Variants in IDE observed in about 807,000 individuals in gnomAD.
The protein encoded by IDE is insulin-degrading enzyme.
In IDE, 58 loss-of-function variants were observed where a neutral mutation model predicts 133.2. The ratio of observed to expected loss-of-function variants is 0.44; its 90% CI spans 0.35 to 0.54. The LOEUF is 0.54. Among genes scored for constraint, IDE ranks in the 20% least tolerant of loss-of-function variants. The pLI, the probability that IDE is intolerant of heterozygous loss-of-function variation, is 0.00. For missense variants in IDE, 981 were observed against 1,234.0 expected, an observed-to-expected ratio of 0.79 and a Z score of 3.07; for synonymous variants, 396 against 421.3, an observed-to-expected ratio of 0.94 and a Z score of 0.73.
At chr10:92,541,348 G>A in intron 1 of IDE, 1 of 470,560 alleles carries the variant, frequency 2.1e-6, no homozygotes. Flanking sequence ...CTCTGATGAT[G>A]AATTCATCAA....
intron 5 of IDE, among the ~76,000 whole-genome samples, chr10:92,512,050 C>T (rs749661918): frequency 1.3e-5 from 2 of 152,172 alleles, no homozygotes; most frequent in Non-Finnish European, 2.9e-5. Flanking sequence ...CTGTGAGCTC[C>T]CCAGACATCA....
intron 2 of IDE, 109 bp downstream of exon 2, chr10:92,537,257 A>G: frequency 3.9e-6 from 3 of 771,270 alleles, no homozygotes; most frequent in Non-Finnish European, 6.1e-6. Context: ...AATAAGGTAC[A>G]TGGAACCGGT....
chr10:92,522,256 C>T (rs987930182), intron 4 of IDE, among the ~76,000 whole-genome samples: 3 of 152,140 alleles, frequency 2.0e-5, no homozygotes, highest in African/African-American at 7.2e-5. Context: ...TTCCTTCCTA[C>T]TTCTCTATGC....
chr10:92,463,606 C>T, intron 21 of IDE, 125 bp downstream of exon 21: 1 of 835,536 alleles, frequency 1.2e-6, no homozygotes, highest in Non-Finnish European at 1.9e-6. Flanking sequence ...GCCAGCCATC[C>T]CCCCACCCCA....
chr10:92,524,315 ATATAATATAT>A (rs1306614951), intron 4 of IDE, among the ~76,000 whole-genome samples: 4 of 85,100 alleles, frequency 4.7e-5, no homozygotes, highest in African/African-American at 2.6e-4. Context: ...AAAAAAATAT[ATATAATATAT>A]TATTATATAT....
intron 1 of IDE, chr10:92,541,178 C>T: frequency 3.6e-6 from 1 of 277,628 alleles, no homozygotes; most frequent in South Asian, 3.3e-5. Context: ...AAGTAAAACC[C>T]AAAAGAAATA....
intron 11 of IDE, among the ~76,000 whole-genome samples, chr10:92,496,129 C>G (rs987832890): frequency 7.2e-5 from 11 of 152,100 alleles, no homozygotes; most frequent in African/African-American, 2.7e-4. Context: ...CCTGCCTCAG[C>G]CTCTCAAAGT....
intron 18 of IDE, among the ~76,000 whole-genome samples, chr10:92,469,696 G>A (rs746125439): frequency 1.1e-4 from 16 of 152,294 alleles, no homozygotes; most frequent in South Asian, 2.1e-4. Context: ...GATGATAGGC[G>A]TGAGCCACTG....
At chr10:92,509,572 AAC>A (rs200915532) in intron 6 of IDE, among the ~76,000 whole-genome samples, 2,313 of 151,652 alleles carry the variant, frequency 0.015, 29 homozygotes, top group Non-Finnish European at 0.025. Context: ...CAGCCTGGGC[AAC>A]AGAGTGAGAC....
intron 4 of IDE, among the ~76,000 whole-genome samples, chr10:92,529,041 C>T (rs1261052994): frequency 6.6e-6 from 1 of 152,024 alleles, no homozygotes; most frequent in Non-Finnish European, 1.5e-5. Context: ...CACCATACTG[C>T]ACTCCAGCCT....
In IDE at chr10:92,454,055, G is replaced by C. The variant is rs1056645580; in HGVS notation, c.*389C>G. On this transcript the variant is annotated 3_prime_UTR_variant, in exon 25 of 25. Coordinates refer to ENST00000265986, the MANE Select transcript of IDE (RefSeq NM_004969.4). ...AAGTTATTACCTTTCTAAATGTTGT[G>C]AAGCCTTCTATGTCAAGCTAGGAGG... 6.4e-6 allele frequency: 1 copy of C among 156,736 alleles called. No homozygotes were observed. The highest frequency in any genetic ancestry group is 1.4e-5 in the Non-Finnish European group (1 of 70,880). The allele number at this position is 156,736 out of a possible 1,614,324, so 9.7% of individuals were successfully genotyped here.
chr10:92,566,409 T>TCACA (rs563035723), intron 1 of IDE, among the ~76,000 whole-genome samples: 2,709 of 144,434 alleles, frequency 0.019, 22 homozygotes, highest in African/African-American at 0.021. Context: ...TCTCTCTCTC[T>TCACA]CTCTCACACA....
At chr10:92,558,319 G>A (rs890812267) in intron 1 of IDE, among the ~76,000 whole-genome samples, 1 of 152,168 alleles carries the variant, frequency 6.6e-6, no homozygotes, top group Non-Finnish European at 1.5e-5. Flanking sequence ...CTCCCAAAGT[G>A]CTAGGATTAC....
chr10:92,501,583 T>G (rs891840372), intron 11 of IDE, among the ~76,000 whole-genome samples: 1 of 150,648 alleles, frequency 6.6e-6, no homozygotes, highest in Non-Finnish European at 1.5e-5. Context: ...GGCAGGAGAA[T>G]AGCTTGATCC....
intron 11 of IDE, among the ~76,000 whole-genome samples, chr10:92,497,916 T>C (rs1847802126): frequency 6.6e-6 from 1 of 152,348 alleles, no homozygotes; most frequent in Admixed American, 6.5e-5. Context: ...TCCTACGAAG[T>C]GTTGCTGGGT....
intron 11 of IDE, among the ~76,000 whole-genome samples, chr10:92,504,440 G>A (rs1219169391): frequency 2.0e-5 from 3 of 152,178 alleles, no homozygotes; most frequent in Non-Finnish European, 2.9e-5. Context: ...TAGGTGGGCT[G>A]ATACTTTGGG....
At chr10:92,497,936 G>A (rs1430177281) in intron 11 of IDE, among the ~76,000 whole-genome samples, 1 of 152,178 alleles carries the variant, frequency 6.6e-6, no homozygotes. Context: ...TCAATTACTG[G>A]CTCTAGAGCA....
At chr10:92,466,518 T>C (rs1845695598) in intron 19 of IDE, among the ~76,000 whole-genome samples, 1 of 152,160 alleles carries the variant, frequency 6.6e-6, no homozygotes, top group Non-Finnish European at 1.5e-5. Context: ...GGTTTTGCCA[T>C]GTTGGCCACG....
chr10:92,545,068 A>T (rs1472455059), intron 1 of IDE, among the ~76,000 whole-genome samples: 1 of 152,188 alleles, frequency 6.6e-6, no homozygotes, highest in Non-Finnish European at 1.5e-5. Context: ...AAGTCAGCAA[A>T]CTGGAATTAA....
Sources: allele counts gnomAD v4.1 joint callset (sites outside exome capture counted in the v4.1 genomes callset), GRCh38; gene constraint gnomAD v4.1.1; transcripts MANE v1.5; gene names NCBI Gene and HGNC (gene_info 2026-07-23, HGNC 2026-07-21).